The following GPC6 variants were observed in gnomAD, a reference collection of about 807,000 sequenced individuals.
GPC6 encodes glypican-6.
GPC6 carries 14 observed loss-of-function variants against 55.2 expected under a neutral mutation model. The ratio of observed to expected loss-of-function variants is 0.25; its 90% confidence interval spans 0.17 to 0.40. The LOEUF (loss-of-function observed/expected upper bound fraction) is 0.40. GPC6 is among the 10% of genes least tolerant of loss of function. The pLI, the probability that GPC6 is intolerant of heterozygous loss-of-function variation, is 1.00. For missense variants in GPC6, 641 were observed against 708.5 expected, an observed-to-expected ratio of 0.90 and a Z score of 1.08; for synonymous variants, 278 against 259.6, an observed-to-expected ratio of 1.07 and a Z score of -0.68.
In GPC6 at chr13:93,331,132, G is replaced by T. The variant is rs369691736; in HGVS notation, c.160+103516G>T. On this transcript the variant is annotated intron_variant, in intron 1 of 8. Transcript: ENST00000377047. ...AGTCTTATTTTTTATTCTCTAGGAT[G>T]TTGTGTTCTGCTAATGATAAGAGGT... is the stretch of plus-strand genomic sequence containing the variant. 1.1e-4 allele frequency among the ~76,000 whole-genome samples: 17 copies of T among 152,254 alleles called. No individual in the cohort carries two copies. The East Asian group carries it at 1.2e-3, about 10-fold the overall frequency.
At chr13:94,044,312 T>C (rs1014771865) in intron 4 of GPC6, among the ~76,000 whole-genome samples, 6 of 151,904 alleles carry the variant, frequency 3.9e-5, no homozygotes, top group Non-Finnish European at 2.9e-5. Flanking sequence ...CTGTTTTCAC[T>C]TAAATTTATG....
intron 4 of GPC6, among the ~76,000 whole-genome samples, chr13:94,215,122 C>T (rs1426599745): frequency 6.6e-6 from 1 of 152,202 alleles, no homozygotes; most frequent in Non-Finnish European, 1.5e-5. Flanking sequence ...CTAAAGTTTC[C>T]TCACTGTATT....
chr13:93,587,672 T>A (rs1280182731), intron 2 of GPC6, among the ~76,000 whole-genome samples: 2 of 152,108 alleles, frequency 1.3e-5, no homozygotes, highest in African/African-American at 4.8e-5. Context: ...CTGCTCTCAG[T>A]ACTCGACTTG....
upstream of GPC6, among the ~76,000 whole-genome samples, chr13:93,222,351 C>T (rs571985418): frequency 5.3e-5 from 8 of 152,322 alleles, no homozygotes; most frequent in African/African-American, 1.7e-4. Context: ...TATGTCCACT[C>T]ATTCTTCCCT....
chr13:93,540,090 A>C (rs1290237638), intron 1 of GPC6, among the ~76,000 whole-genome samples: 2 of 152,082 alleles, frequency 1.3e-5, no homozygotes, highest in African/African-American at 4.8e-5. Flanking sequence ...GTCTCAGAGT[A>C]GTCTTGTCTG....
intron 3 of GPC6, among the ~76,000 whole-genome samples, chr13:93,883,842 G>A (rs552153647): frequency 3.3e-5 from 5 of 152,040 alleles, no homozygotes; most frequent in East Asian, 3.9e-4. Flanking sequence ...AATTCATTAC[G>A]CATCAATTAT....
chr13:93,876,762 A>G lies in GPC6; in HGVS notation c.711+46217A>G, dbSNP rs536331929. ...AATTTTTTTCTTTTTTCTTTTTAAG[A>G]GATTTTTAAAAGTGAAATCTAGCAA... On this transcript the variant is annotated intron_variant, in intron 3 of 8. Coordinates refer to ENST00000377047, the MANE Select transcript of GPC6 (RefSeq NM_005708.5). 1.1e-4 allele frequency among the ~76,000 whole-genome samples: 16 copies of G among 152,138 alleles called. No individual in the cohort carries two copies. In the South Asian group the frequency reaches 3.3e-3, roughly 32 times the overall value.
At chr13:93,651,954 G>A (rs1163205715) in intron 2 of GPC6, among the ~76,000 whole-genome samples, 2 of 152,166 alleles carry the variant, frequency 1.3e-5, no homozygotes, top group Non-Finnish European at 2.9e-5. Flanking sequence ...CCACTGTGCA[G>A]CCAGGGCTGA....
Position 93,237,948 on chromosome 13 carries a change from A to G in GPC6, c.160+10332A>G, listed in dbSNP as rs149515011. On this transcript the variant is annotated intron_variant, in intron 1 of 8. Coordinates refer to ENST00000377047, the MANE Select transcript of GPC6 (RefSeq NM_005708.5). The stretch of plus-strand genomic sequence containing the variant: ...ATGTGTCTATTTTTACACTATTACC[A>G]TGCTATTTGGGCTACTATAGCATTG... Among the ~76,000 whole-genome samples the G allele has an allele frequency of 5.9e-5, 9 of 152,272 alleles. No individual in the cohort carries two copies. The East Asian group carries it at 1.5e-3, about 26-fold the overall frequency.
chr13:93,318,316 G>GA lies in GPC6; in HGVS notation c.160+90709dup, dbSNP rs200554240. Among the ~76,000 whole-genome samples, 2,416 of 150,062 alleles carry GA rather than the reference G, an allele frequency of 0.016. 143 individuals are homozygous for GA. The East Asian group carries it at 0.22, about 14-fold the overall frequency. ...TTGTTTGATACTAATGGACCAAGAA[G>GA]AAAAAAAAAGCAAATTTTTATTTTG... On this transcript the variant is annotated intron_variant, in intron 1 of 8. Coordinates refer to ENST00000377047, the MANE Select transcript of GPC6 (RefSeq NM_005708.5).
At chr13:94,179,002 T>A (rs1459490041) in intron 4 of GPC6, among the ~76,000 whole-genome samples, 13 of 152,212 alleles carry the variant, frequency 8.5e-5, no homozygotes, top group Admixed American at 5.9e-4. Context: ...TTTCTTGATC[T>A]TGAAGCCTGT....
At chr13:93,555,070 A>G (rs527793133) in intron 2 of GPC6, among the ~76,000 whole-genome samples, 1 of 152,324 alleles carries the variant, frequency 6.6e-6, no homozygotes, top group East Asian at 1.9e-4. Flanking sequence ...AGGCCTTTGA[A>G]TGTTGGAAGA....
intron 3 of GPC6, among the ~76,000 whole-genome samples, chr13:93,892,010 G>A (rs1398470823): frequency 6.6e-6 from 1 of 151,922 alleles, no homozygotes; most frequent in East Asian, 1.9e-4. Flanking sequence ...GAAGTATAGA[G>A]ATGGCTTAGT....
chr13:94,150,417 G>A (rs529876726), intron 4 of GPC6, among the ~76,000 whole-genome samples: 1 of 152,064 alleles, frequency 6.6e-6, no homozygotes, highest in African/African-American at 2.4e-5. Context: ...TGAAGTCTCA[G>A]CTTTTTAGTG....
At chr13:93,874,206 C>A (rs1444810531) in intron 3 of GPC6, among the ~76,000 whole-genome samples, 1 of 151,914 alleles carries the variant, frequency 6.6e-6, no homozygotes, top group Admixed American at 6.6e-5. Flanking sequence ...TCCCTCCTCC[C>A]ATCTGCTACC....
chr13:93,297,881 C>A (rs1878546988), intron 1 of GPC6, among the ~76,000 whole-genome samples: 1 of 152,042 alleles, frequency 6.6e-6, no homozygotes, highest in South Asian at 2.1e-4. Context: ...GTGGGGAGAG[C>A]CTTCATGGGG....
intron 4 of GPC6, among the ~76,000 whole-genome samples, chr13:94,143,876 G>C (rs534463820): frequency 1.3e-5 from 2 of 152,256 alleles, no homozygotes; most frequent in East Asian, 3.9e-4. Flanking sequence ...GGGTGACAGT[G>C]AGATCTTCTC....
intron 3 of GPC6, among the ~76,000 whole-genome samples, chr13:93,995,152 G>A (rs976121781): frequency 1.2e-4 from 17 of 147,590 alleles, no homozygotes; most frequent in Admixed American, 2.8e-4. Context: ...ATAGCACCCT[G>A]TACTTCAACT....
intron 2 of GPC6, among the ~76,000 whole-genome samples, chr13:93,711,097 A>G (rs1361672677): frequency 1.3e-5 from 2 of 151,808 alleles, no homozygotes; most frequent in Non-Finnish European, 2.9e-5. Context: ...CTGAGAAATT[A>G]TAAGTGATAA....
Sources: gnomAD v4.1 joint callset for allele counts (sites outside exome capture counted in the v4.1 genomes callset) on GRCh38, gnomAD v4.1.1 for gene constraint, MANE v1.5 for transcripts, NCBI Gene and HGNC (gene_info 2026-07-23, HGNC 2026-07-21) for gene names.